The following ZNF609 variants were observed in gnomAD, a reference collection of about 807,000 sequenced individuals.
ZNF609 encodes the protein zinc finger protein 609.
In ZNF609, 11 loss-of-function variants were observed where a neutral mutation model predicts 109.5. That is an observed-to-expected ratio of 0.10 (90% CI 0.06 to 0.17). The LOEUF (loss-of-function observed/expected upper bound fraction) is 0.17, where lower values mean the gene tolerates loss of function less well. Among genes scored for constraint, ZNF609 ranks in the 10% least tolerant of loss-of-function variants. The pLI is 1.00. For synonymous variants in ZNF609, 646 were observed against 662.0 expected, an observed-to-expected ratio of 0.98 and a Z score of 0.37; for missense variants, 1,559 against 1,772.4, an observed-to-expected ratio of 0.88 and a Z score of 2.16.
At position 64,580,556 on chromosome 15, in the gene ZNF609, CT is replaced by C. The variant is rs66976954; in HGVS notation, c.748-42259del. Among the ~76,000 whole-genome samples, 23 of 144,256 alleles carry C rather than the reference CT, an allele frequency of 1.6e-4. No individual in the cohort carries two copies. The South Asian group carries it at 1.8e-3, about 11-fold the overall frequency. The allele number at this position is 144,256 out of a possible 152,430, so 94.6% of individuals were successfully genotyped here. A position where few individuals can be genotyped will look rare whatever the true frequency, so the allele number is the denominator to read the frequency against. On this transcript the variant is annotated intron_variant, in intron 2 of 9. Coordinates refer to ENST00000326648, the MANE Select transcript of ZNF609 (RefSeq NM_015042.2). The stretch of plus-strand genomic sequence containing the variant: ...CAGTTCTTTTCTTTTCTTTTCTTTT[CT>C]TTTTTTTTTTTGAGACAGAGTCTCG...
At position 64,475,720 on chromosome 15, in the gene ZNF609, T is replaced by C. The variant is rs531436828; in HGVS notation, c.-128+14882T>C. On this transcript the variant is annotated intron_variant, in intron 1 of 9. Transcript: ENST00000326648. ...TGTTGTCTTTAACTGTAATTATTTG[T>C]GAATATATTTTCTTCATCCCTCATT... 2.6e-3 allele frequency among the ~76,000 whole-genome samples: 393 copies of C among 152,258 alleles called. 3 individuals are homozygous for C. Among genetic ancestry groups the C allele is most frequent in the South Asian group, 4.3e-3 (21 of 4,830 alleles).
At chr15:64,517,148 C>T (rs1461857737) in intron 2 of ZNF609, among the ~76,000 whole-genome samples, 3 of 152,098 alleles carry the variant, frequency 2.0e-5, no homozygotes, top group South Asian at 2.1e-4. Flanking sequence ...GGCCAAAGCA[C>T]GTGGATCACC....
At chr15:64,525,666 G>T (rs1893958788) in intron 2 of ZNF609, among the ~76,000 whole-genome samples, 1 of 152,054 alleles carries the variant, frequency 6.6e-6, no homozygotes. Flanking sequence ...GGAGAGTTCT[G>T]CAATCTTAAC....
At chr15:64,630,003 G>A (rs1219371231) in intron 3 of ZNF609, among the ~76,000 whole-genome samples, 3 of 151,780 alleles carry the variant, frequency 2.0e-5, no homozygotes, top group Non-Finnish European at 4.4e-5. Flanking sequence ...GTCTAAAAAG[G>A]AGTATTCATC....
intron 3 of ZNF609, among the ~76,000 whole-genome samples, chr15:64,629,742 T>C (rs1896035610): frequency 6.6e-6 from 1 of 152,190 alleles, no homozygotes; most frequent in African/African-American, 2.4e-5. Flanking sequence ...AAATAGGGGC[T>C]CTTACTAAGG....
At chr15:64,544,272 G>A (rs779259889) in intron 2 of ZNF609, among the ~76,000 whole-genome samples, 6 of 152,088 alleles carry the variant, frequency 3.9e-5, no homozygotes, top group Non-Finnish European at 7.4e-5. Flanking sequence ...CTTGGGAGGC[G>A]GAGGTTGCAG....
chr15:64,553,621 CAG>C (rs1420615363), intron 2 of ZNF609, among the ~76,000 whole-genome samples: 2 of 149,648 alleles, frequency 1.3e-5, no homozygotes, highest in East Asian at 2.0e-4. Context: ...TCTTGTGAGA[CAG>C]AGTCTCACTC....
At chr15:64,577,085 C>T (rs9745108) in intron 2 of ZNF609, among the ~76,000 whole-genome samples, 1 of 55,714 alleles carries the variant, frequency 1.8e-5, no homozygotes, top group East Asian at 5.1e-4. Flanking sequence ...CAAATATATA[C>T]ATATATGTAT....
At chr15:64,488,073 A>G (rs1039697588) in intron 1 of ZNF609, among the ~76,000 whole-genome samples, 2 of 152,226 alleles carry the variant, frequency 1.3e-5, no homozygotes, top group Non-Finnish European at 2.9e-5. Context: ...ACTATGCATG[A>G]ATGAGACTGT....
chr15:64,644,979 CTTTT>C (rs201480228), intron 3 of ZNF609, among the ~76,000 whole-genome samples: 5 of 128,788 alleles, frequency 3.9e-5, no homozygotes, highest in Non-Finnish European at 8.1e-5. Flanking sequence ...TTCTTTCTTT[CTTTT>C]TCTTTCTTTC....
intron 2 of ZNF609, among the ~76,000 whole-genome samples, chr15:64,594,703 C>T (rs763179919): frequency 3.3e-5 from 5 of 151,498 alleles, no homozygotes; most frequent in Non-Finnish European, 7.4e-5. Flanking sequence ...TCAGAATGAA[C>T]GTAAGGATTT....
intron 3 of ZNF609, among the ~76,000 whole-genome samples, chr15:64,655,597 C>G (rs376717301): frequency 6.6e-6 from 1 of 152,076 alleles, no homozygotes. Context: ...GAGGCCAAGG[C>G]GGGTGGATCA....
At chr15:64,567,475 C>G (rs903391772) in intron 2 of ZNF609, among the ~76,000 whole-genome samples, 2 of 151,060 alleles carry the variant, frequency 1.3e-5, no homozygotes, top group African/African-American at 2.4e-5. Flanking sequence ...GAGCAAGACT[C>G]TGTCTCAAAA....
At chr15:64,522,710 G>T (rs2058030072) in intron 2 of ZNF609, among the ~76,000 whole-genome samples, 1 of 152,188 alleles carries the variant, frequency 6.6e-6, no homozygotes, top group Admixed American at 6.5e-5. Flanking sequence ...TGTGATGTCA[G>T]TTAACATAAT....
At chr15:64,604,342 G>A (rs1483873612) in intron 2 of ZNF609, among the ~76,000 whole-genome samples, 1 of 152,124 alleles carries the variant, frequency 6.6e-6, no homozygotes, top group African/African-American at 2.4e-5. Context: ...TTGTTAGGTG[G>A]GTAGATTGGA....
At chr15:64,569,830 G>C (rs1212342785) in intron 2 of ZNF609, among the ~76,000 whole-genome samples, 1 of 152,250 alleles carries the variant, frequency 6.6e-6, no homozygotes, top group South Asian at 2.1e-4. Context: ...TAGACAGCTA[G>C]TTAAGTTTTT....
chr15:64,582,188 A>T (rs1895114537), intron 2 of ZNF609, among the ~76,000 whole-genome samples: 1 of 152,164 alleles, frequency 6.6e-6, no homozygotes, highest in Non-Finnish European at 1.5e-5. Context: ...TTACTCCTTC[A>T]TTTATGTATC....
chr15:64,663,950 C>T (rs1896612433), intron 3 of ZNF609, among the ~76,000 whole-genome samples: 1 of 152,140 alleles, frequency 6.6e-6, no homozygotes, highest in Non-Finnish European at 1.5e-5. Flanking sequence ...GGAACCTGGC[C>T]AGTCGTGGTG....
intron 2 of ZNF609, among the ~76,000 whole-genome samples, chr15:64,608,793 C>T (rs1895656162): frequency 6.6e-6 from 1 of 151,818 alleles, no homozygotes; most frequent in African/African-American, 2.4e-5. Flanking sequence ...AGCTGGAATG[C>T]AGTGGCATGA....
Sources: allele counts gnomAD v4.1 joint callset (sites outside exome capture counted in the v4.1 genomes callset), GRCh38; gene constraint gnomAD v4.1.1; transcripts MANE v1.5; gene names NCBI Gene and HGNC (gene_info 2026-07-23, HGNC 2026-07-21).